PLCL1: variants seen among roughly 807,000 people sequenced by gnomAD.
PLCL1 encodes phospholipase C like 1 (inactive).
Under a neutral mutation model 84.4 loss-of-function variants are expected in PLCL1, and 41 were observed. The observed-to-expected ratio is 0.49, with a 90% CI of 0.38 to 0.63. The LOEUF (loss-of-function observed/expected upper bound fraction) is 0.63, where lower values mean the gene tolerates loss of function less well. PLCL1 is among the 30% of genes least tolerant of loss of function. PLCL1 has a pLI of 0.00. For synonymous variants in PLCL1, 490 were observed against 488.3 expected, an observed-to-expected ratio of 1.00 and a Z score of -0.05; for missense variants, 1,206 against 1,367.8, an observed-to-expected ratio of 0.88 and a Z score of 1.87.
At chr2:198,033,369 C>T (rs1455241284) in intron 1 of PLCL1, among the ~76,000 whole-genome samples, 2 of 152,192 alleles carry the variant, frequency 1.3e-5, no homozygotes, top group Non-Finnish European at 2.9e-5. Flanking sequence ...GAATTGCCCC[C>T]TCACTGGAGG....
chr2:198,092,105 C>T (rs576535399), intron 3 of PLCL1, among the ~76,000 whole-genome samples: 1 of 152,070 alleles, frequency 6.6e-6, no homozygotes, highest in East Asian at 1.9e-4. Context: ...GTTTTACTGC[C>T]TCTCCCAACC....
intron 5 of PLCL1, among the ~76,000 whole-genome samples, chr2:198,144,415 C>T (rs1694466526): frequency 6.6e-6 from 1 of 151,998 alleles, no homozygotes; most frequent in South Asian, 2.1e-4. Context: ...CTCTGTAAAA[C>T]AGACTCTGGT....
chr2:197,955,824 C>CT (rs949428503), intron 1 of PLCL1, among the ~76,000 whole-genome samples: 22 of 146,490 alleles, frequency 1.5e-4, no homozygotes, highest in African/African-American at 5.3e-4. Context: ...TAATTTTACC[C>CT]TAAGTTCTGG....
intron 1 of PLCL1, among the ~76,000 whole-genome samples, chr2:197,958,873 C>T (rs968410004): frequency 2.0e-5 from 3 of 151,072 alleles, no homozygotes; most frequent in African/African-American, 7.3e-5. Context: ...GCTTTAAATT[C>T]AGGCATTTTG....
chr2:198,064,255 A>G (rs1156789678), intron 1 of PLCL1, among the ~76,000 whole-genome samples: 2 of 152,206 alleles, frequency 1.3e-5, no homozygotes, highest in Non-Finnish European at 2.9e-5. Context: ...ATAGTGCCTT[A>G]TATCCTAGTT....
chr2:198,020,674 G>C (rs1481460272), intron 1 of PLCL1, among the ~76,000 whole-genome samples: 1 of 152,218 alleles, frequency 6.6e-6, no homozygotes, highest in East Asian at 1.9e-4. Flanking sequence ...ATGGTAAAGG[G>C]ATCAATGCAA....
chr2:198,129,574 T>A (rs1694072728), intron 5 of PLCL1, among the ~76,000 whole-genome samples: 1 of 152,188 alleles, frequency 6.6e-6, no homozygotes, highest in Admixed American at 6.5e-5. Flanking sequence ...CTTGGCCACA[T>A]GTTCTCAGGA....
intron 1 of PLCL1, among the ~76,000 whole-genome samples, chr2:198,057,714 T>A (rs1559088724): frequency 1.3e-5 from 2 of 152,228 alleles, no homozygotes; most frequent in Non-Finnish European, 2.9e-5. Context: ...AAAAGTATGA[T>A]GCATGGAACT....
chr2:198,047,949 G>T (rs1370572939), intron 1 of PLCL1, among the ~76,000 whole-genome samples: 1 of 152,142 alleles, frequency 6.6e-6, no homozygotes, highest in African/African-American at 2.4e-5. Flanking sequence ...GGCAGATTAA[G>T]AACCTTCTGT....
chr2:197,838,276 C>A (rs1691230485), intron 1 of PLCL1, among the ~76,000 whole-genome samples: 1 of 152,190 alleles, frequency 6.6e-6, no homozygotes, highest in South Asian at 2.1e-4. Context: ...ATGCTTTCCT[C>A]ACTTAGATGG....
intron 1 of PLCL1, among the ~76,000 whole-genome samples, chr2:198,015,317 G>A (rs1254631333): frequency 2.6e-5 from 4 of 152,054 alleles, no homozygotes; most frequent in Non-Finnish European, 5.9e-5. Flanking sequence ...ATATTTACAA[G>A]CATAAATATA....
chr2:197,992,427 A>G (rs943784775), intron 1 of PLCL1, among the ~76,000 whole-genome samples: 2 of 151,476 alleles, frequency 1.3e-5, no homozygotes, highest in East Asian at 1.9e-4. Flanking sequence ...ACCATGCCCA[A>G]CTAATTTTTG....
chr2:197,824,728 A>AC (rs1216024413), intron 1 of PLCL1, among the ~76,000 whole-genome samples: 1 of 151,672 alleles, frequency 6.6e-6, no homozygotes, highest in Non-Finnish European at 1.5e-5. Flanking sequence ...AAAAAAAAAA[A>AC]AAAAAAACAT....
At chr2:198,117,421 A>T (rs936960711) in intron 5 of PLCL1, among the ~76,000 whole-genome samples, 2 of 149,120 alleles carry the variant, frequency 1.3e-5, no homozygotes, top group African/African-American at 4.9e-5. Context: ...TGTTAGAATT[A>T]CTCATGTTCT....
At chr2:197,815,249 A>G (rs2106416099) in intron 1 of PLCL1, among the ~76,000 whole-genome samples, 1 of 152,280 alleles carries the variant, frequency 6.6e-6, no homozygotes, top group East Asian at 1.9e-4. Flanking sequence ...TGAAAATCCT[A>G]GGGTCTTTAT....
chr2:198,143,590 T>C (rs1384440720), intron 5 of PLCL1, among the ~76,000 whole-genome samples: 1 of 152,122 alleles, frequency 6.6e-6, no homozygotes, highest in African/African-American at 2.4e-5. Context: ...TAGGGAAAAT[T>C]GCTGCATATA....
At chr2:197,997,494 A>G (rs1690494704) in intron 1 of PLCL1, among the ~76,000 whole-genome samples, 1 of 152,214 alleles carries the variant, frequency 6.6e-6, no homozygotes, top group Non-Finnish European at 1.5e-5. Context: ...GACAATGTGT[A>G]GTAGAAATGG....
chr2:197,907,612 T>A lies in PLCL1; in HGVS notation c.240+102273T>A, dbSNP rs574533215. On this transcript the variant is annotated intron_variant, in intron 1 of 5. Transcript: ENST00000428675. ...GGTTATTTCTGACCATGGCATGGGATGAAAAGAACTGCCATGAGAGGTTGG... is the reference window on the plus strand; with the variant it reads ...GGTTATTTCTGACCATGGCATGGGAAGAAAAGAACTGCCATGAGAGGTTGG... Among the ~76,000 whole-genome samples, 7 of 152,358 alleles carry A rather than the reference T, an allele frequency of 4.6e-5. No homozygotes were observed. In the South Asian group the frequency reaches 1.5e-3, roughly 32 times the overall value.
Position 198,086,013 on chromosome 2 carries a change from G to A in PLCL1, c.2496G>A (p.Val832=), listed in dbSNP as rs537057073. 5.6e-5 allele frequency: 90 copies of A among 1,614,014 alleles called. 3 individuals are homozygous for A. In the South Asian group the frequency reaches 8.6e-4, roughly 15 times the overall value. The part of the protein sequence containing the change: ...GYRHVPLRSF[V]GDIMEHVTLF... ...GGCATGTTCCCCTGCGTTCTTTTGT[G>A]GGTGACATCATGGAGCACGTAACCC... The change falls in exon 2 of 6, where the codon GTG becomes GTA. Residue 832 remains valine, a synonymous_variant. Coordinates refer to ENST00000428675, the MANE Select transcript of PLCL1 (RefSeq NM_006226.4).
Sources: allele counts gnomAD v4.1 joint callset (sites outside exome capture counted in the v4.1 genomes callset), GRCh38; gene constraint gnomAD v4.1.1; transcripts MANE v1.5; gene names NCBI Gene and HGNC (gene_info 2026-07-23, HGNC 2026-07-21).